Variants in ANXA4 observed in about 807,000 individuals in gnomAD.
The protein encoded by ANXA4 is 35-beta calcimedin.
ANXA4 carries 39 observed loss-of-function variants against 49.8 expected under a neutral mutation model. The ratio of observed to expected loss-of-function variants is 0.78; its 90% CI spans 0.61 to 1.02. ANXA4 has a LOEUF of 1.02. ANXA4 is among the 50% of genes least tolerant of loss of function. The pLI, the probability that ANXA4 is intolerant of heterozygous loss-of-function variation, is 0.00. For synonymous variants in ANXA4, 134 were observed against 152.5 expected, an observed-to-expected ratio of 0.88 and a Z score of 0.89; for missense variants, 360 against 410.1, an observed-to-expected ratio of 0.88 and a Z score of 1.05.
At chr2:69,754,259 G>A (rs1349788410) in intron 1 of ANXA4, among the ~76,000 whole-genome samples, 5 of 152,146 alleles carry the variant, frequency 3.3e-5, no homozygotes, top group African/African-American at 1.2e-4. Context: ...CATACTTGAT[G>A]TAAGGTCATG....
rs183529597 is a variant in ANXA4 at position 69,752,618 on chromosome 2, A to G, written c.-47+10443A>G. 1.8e-3 allele frequency among the ~76,000 whole-genome samples: 273 copies of G among 152,248 alleles called. 3 individuals carry two copies. The highest frequency in any genetic ancestry group is 4.4e-4 in the Non-Finnish European group (30 of 68,002). On this transcript the variant is annotated intron_variant, in intron 1 of 12. Transcript: ENST00000394295. The stretch of plus-strand genomic sequence containing the variant: ...ATGGGAATGGGAATGTTCACACCTT[A>G]TTATATCTGATCACATACCTGCCTC...
At chr2:69,738,759 G>T (rs116521792), upstream of ANXA4, among the ~76,000 whole-genome samples, 7,385 of 151,926 alleles carry the variant, frequency 0.049, 520 homozygotes, top group African/African-American at 0.16. Context: ...TGCTCTAGTT[G>T]ACAGTGCCAG....
chr2:69,760,061 T>TGACCTCGTG (rs1352343073), intron 1 of ANXA4, among the ~76,000 whole-genome samples: 1 of 152,192 alleles, frequency 6.6e-6, no homozygotes, highest in Admixed American at 6.5e-5. Flanking sequence ...CTCTATCTCC[T>TGACCTCGTG]GACCTCGTGA....
chr2:69,750,084 T>C (rs1359558356), intron 1 of ANXA4, among the ~76,000 whole-genome samples: 1 of 152,216 alleles, frequency 6.6e-6, no homozygotes, highest in African/African-American at 2.4e-5. Flanking sequence ...TTTGTACTAT[T>C]TGAATTTGTT....
At chr2:69,728,730 A>G (rs1187369203) in intron 3 of ANXA4, among the ~76,000 whole-genome samples, 2 of 152,130 alleles carry the variant, frequency 1.3e-5, no homozygotes, top group African/African-American at 2.4e-5. Flanking sequence ...CTATTTCTCT[A>G]TCTGTATATG....
At chr2:69,673,927 T>A (rs1174150474) in intron 2 of ANXA4, 2 of 151,562 alleles carry the variant, frequency 1.3e-5, no homozygotes, top group African/African-American at 2.4e-5. Flanking sequence ...CCCATTTTGA[T>A]GTTCCTTACC....
In ANXA4 at chr2:69,755,702, A is replaced by G. The variant is rs536211810; in HGVS notation, c.-47+13527A>G. On this transcript the variant is annotated intron_variant, in intron 1 of 12. Coordinates refer to ENST00000394295, the MANE Select transcript of ANXA4 (RefSeq NM_001153.5). Reference sequence around the variant, plus strand: ...TAAATCTTGCTTTTGTTATTCTTCTATCTCCCAGTGATGTGCTGAATTGTC... The same window carrying G: ...TAAATCTTGCTTTTGTTATTCTTCTGTCTCCCAGTGATGTGCTGAATTGTC... 3.3e-5 allele frequency among the ~76,000 whole-genome samples: 5 copies of G among 152,292 alleles called. No individual in the cohort carries two copies. The South Asian group carries it at 8.3e-4, about 25-fold the overall frequency.
chr2:69,701,459 A>G (rs1559091999), intron 2 of ANXA4, among the ~76,000 whole-genome samples: 1 of 151,990 alleles, frequency 6.6e-6, no homozygotes, highest in Non-Finnish European at 1.5e-5. Flanking sequence ...AAGCGGAATC[A>G]TTTGTCTTTT....
intron 1 of ANXA4, among the ~76,000 whole-genome samples, chr2:69,772,503 TTAGCAATTGCTAAGAGAGGCTG>T (rs1274249174): frequency 3.0e-5 from 2 of 66,216 alleles, no homozygotes; most frequent in Non-Finnish European, 5.1e-5. Context: ...AAGAGAGGCC[TTAGCAATTGCTAAGAGAGGCTG>T]TAGCAATTGT....
At chr2:69,726,196 T>C (rs1447607648) in intron 3 of ANXA4, among the ~76,000 whole-genome samples, 1 of 152,214 alleles carries the variant, frequency 6.6e-6, no homozygotes, top group African/African-American at 2.4e-5. Context: ...TCATGAGATC[T>C]GATAGTTTAA....
chr2:69,760,797 A>C (rs2105522935), intron 1 of ANXA4, among the ~76,000 whole-genome samples: 1 of 152,322 alleles, frequency 6.6e-6, no homozygotes, highest in Middle Eastern at 3.4e-3. Context: ...GCCATAATAA[A>C]TGTTCAATCA....
At chr2:69,677,998 CA>C (rs1677465336) in intron 2 of ANXA4, among the ~76,000 whole-genome samples, 1 of 152,190 alleles carries the variant, frequency 6.6e-6, no homozygotes, top group East Asian at 1.9e-4. Flanking sequence ...CAGTATGGTG[CA>C]AACACAACTT....
At chr2:69,789,677 C>T (rs1360262305) in intron 3 of ANXA4, among the ~76,000 whole-genome samples, 2 of 152,060 alleles carry the variant, frequency 1.3e-5, no homozygotes, top group African/African-American at 4.8e-5. Flanking sequence ...GGAGGGGGCT[C>T]ATGAGCAGAG....
upstream of ANXA4, among the ~76,000 whole-genome samples, chr2:69,738,510 C>T (rs180922714): frequency 0.016 from 2,401 of 152,034 alleles, 32 homozygotes; most frequent in Middle Eastern, 0.034. Context: ...ATTCTTTGCA[C>T]CCTCCCACCC....
At chr2:69,746,257 G>A (rs1388477984) in intron 1 of ANXA4, among the ~76,000 whole-genome samples, 1 of 152,040 alleles carries the variant, frequency 6.6e-6, no homozygotes, top group Admixed American at 6.5e-5. Flanking sequence ...TGATCCACCC[G>A]CCTCGGCCTC....
intron 1 of ANXA4, among the ~76,000 whole-genome samples, chr2:69,748,517 C>A (rs1446907833): frequency 6.7e-6 from 1 of 150,200 alleles, no homozygotes; most frequent in African/African-American, 2.4e-5. Context: ...TTATAACTAT[C>A]TTTTATAAAT....
chr2:69,814,789 TGTGTGAGA>T (rs776938239), intron 8 of ANXA4: 7,441 of 80,932 alleles, frequency 0.092, 231 homozygotes, highest in Admixed American at 0.17. Context: ...TGTGTGTGTG[TGTGTGAGA>T]GAAAGAGAGA....
chr2:69,824,587 TAAGAA>T (rs1295145391), intron 12 of ANXA4, among the ~76,000 whole-genome samples: 7 of 151,726 alleles, frequency 4.6e-5, no homozygotes, highest in Admixed American at 4.6e-4. Context: ...AATAAATCAT[TAAGAA>T]AATATACAAA....
intron 2 of ANXA4, among the ~76,000 whole-genome samples, chr2:69,661,091 GACA>G (rs1481903664): frequency 6.6e-6 from 1 of 151,986 alleles, no homozygotes; most frequent in Non-Finnish European, 1.5e-5. Context: ...GACTTCTCAT[GACA>G]ACAATACAGG....
Sources: allele counts gnomAD v4.1 joint callset (sites outside exome capture counted in the v4.1 genomes callset), GRCh38; gene constraint gnomAD v4.1.1; transcripts MANE v1.5; gene names NCBI Gene and HGNC (gene_info 2026-07-23, HGNC 2026-07-21).